Variants in VAT1L observed in about 807,000 individuals in gnomAD.
The protein encoded by VAT1L is vesicle amine transport 1 like.
VAT1L carries 34 observed loss-of-function variants against 44.1 expected under a neutral mutation model. That is an observed-to-expected ratio of 0.77 (90% CI 0.59 to 1.03). VAT1L has a LOEUF of 1.03. Among genes scored for constraint, VAT1L ranks in the 50% least tolerant of loss-of-function variants. The pLI, the probability that VAT1L is intolerant of heterozygous loss-of-function variation, is 0.00. For synonymous variants in VAT1L, 253 were observed against 202.2 expected (o/e 1.25, Z -2.13); for missense variants, 615 against 538.8 (o/e 1.14, Z -1.40).
chr16:77,910,500 G>A (rs905665664), intron 7 of VAT1L, among the ~76,000 whole-genome samples: 9 of 151,750 alleles, frequency 5.9e-5, no homozygotes, highest in African/African-American at 1.2e-4. Flanking sequence ...GTGAAACCCC[G>A]TCTCTACTAA....
At chr16:77,910,151 C>T (rs2017483300) in intron 7 of VAT1L, among the ~76,000 whole-genome samples, 1 of 152,312 alleles carries the variant, frequency 6.6e-6, no homozygotes, top group East Asian at 1.9e-4. Context: ...CTACTTGATT[C>T]CCTAAGACTC....
chr16:77,900,627 A>G (rs1360866031), intron 7 of VAT1L, among the ~76,000 whole-genome samples: 1 of 151,516 alleles, frequency 6.6e-6, no homozygotes, highest in African/African-American at 2.4e-5. Context: ...CCCGGGAGGC[A>G]GAGGTTGCAG....
At chr16:77,934,392 G>A (rs58877531) in intron 7 of VAT1L, among the ~76,000 whole-genome samples, 7,843 of 152,096 alleles carry the variant, frequency 0.052, 336 homozygotes, top group East Asian at 0.2. Context: ...TTACAGGTGT[G>A]ATTAAGTTAA....
At chr16:77,789,004 C>G (rs12444404) in intron 1 of VAT1L, 89 bp downstream of exon 1, 153,648 of 1,378,094 alleles carry the variant, frequency 0.11, 9,182 homozygotes, top group East Asian at 0.17. Flanking sequence ...GGATGCTGCC[C>G]GGGTAGAACC....
intron 1 of VAT1L, among the ~76,000 whole-genome samples, chr16:77,794,887 C>G (rs1199916821): frequency 6.6e-6 from 1 of 152,156 alleles, no homozygotes; most frequent in African/African-American, 2.4e-5. Flanking sequence ...TTTGCATTCT[C>G]TCATCAACTG....
intron 1 of VAT1L, among the ~76,000 whole-genome samples, chr16:77,815,557 C>G (rs78929490): frequency 0.023 from 3,500 of 152,280 alleles, 139 homozygotes; most frequent in African/African-American, 0.08. Flanking sequence ...GTCTTACTCA[C>G]CTTTATTCAG....
At chr16:77,951,456 G>T (rs1284805231) in intron 7 of VAT1L, among the ~76,000 whole-genome samples, 3 of 152,208 alleles carry the variant, frequency 2.0e-5, no homozygotes, top group Non-Finnish European at 2.9e-5. Context: ...TGAAGCAGGA[G>T]AATCGCTTGA....
intron 7 of VAT1L, among the ~76,000 whole-genome samples, chr16:77,948,681 G>C (rs759757248): frequency 1.3e-5 from 2 of 151,878 alleles, no homozygotes; most frequent in Non-Finnish European, 2.9e-5. Context: ...TATTTTTCTG[G>C]AGTATTTTAA....
chr16:77,816,294 G>C (rs2016353188), intron 1 of VAT1L, among the ~76,000 whole-genome samples: 1 of 152,022 alleles, frequency 6.6e-6, no homozygotes, highest in African/African-American at 2.4e-5. Flanking sequence ...ATATCTATTG[G>C]GGCATTCATT....
intron 7 of VAT1L, among the ~76,000 whole-genome samples, chr16:77,934,839 C>G (rs571799952): frequency 2.6e-4 from 40 of 152,232 alleles, no homozygotes; most frequent in African/African-American, 9.6e-4. Context: ...TGTGCCAGGT[C>G]TTATATCAGA....
intron 1 of VAT1L, among the ~76,000 whole-genome samples, chr16:77,806,303 G>A (rs1354729001): frequency 6.6e-6 from 1 of 152,026 alleles, no homozygotes; most frequent in African/African-American, 2.4e-5. Context: ...TCCGCCTCCC[G>A]GGTTGAAGCC....
At chr16:77,871,349 G>A (rs1304027764) in intron 4 of VAT1L, among the ~76,000 whole-genome samples, 1 of 152,108 alleles carries the variant, frequency 6.6e-6, no homozygotes, top group Admixed American at 6.5e-5. Flanking sequence ...AATGCCGAGA[G>A]AGAGGCATGG....
At chr16:77,901,232 C>G (rs571899814) in intron 7 of VAT1L, among the ~76,000 whole-genome samples, 16 of 137,276 alleles carry the variant, frequency 1.2e-4, no homozygotes, top group South Asian at 5.0e-4. Flanking sequence ...GGCGACATCT[C>G]AGCTCACTGC....
chr16:77,935,877 T>C (rs1244069119), intron 7 of VAT1L, among the ~76,000 whole-genome samples: 1 of 152,216 alleles, frequency 6.6e-6, no homozygotes, highest in Non-Finnish European at 1.5e-5. Context: ...TGCAGGGCTA[T>C]TGGGAATTCT....
At chr16:77,886,058 C>G (rs1276368527) in intron 7 of VAT1L, among the ~76,000 whole-genome samples, 2 of 152,176 alleles carry the variant, frequency 1.3e-5, no homozygotes, top group Non-Finnish European at 2.9e-5. Flanking sequence ...AAATAAACTG[C>G]AAGTCCACAT....
At chr16:77,800,491 A>G (rs1414308442) in intron 1 of VAT1L, 7 of 152,148 alleles carry the variant, frequency 4.6e-5, no homozygotes, top group Non-Finnish European at 8.8e-5. Flanking sequence ...AGGCACCCCA[A>G]ACTGCACCCT....
At chr16:77,831,496 C>G (rs1597056306) in intron 3 of VAT1L, among the ~76,000 whole-genome samples, 1 of 152,122 alleles carries the variant, frequency 6.6e-6, no homozygotes, top group African/African-American at 2.4e-5. Context: ...TGACATTTTA[C>G]CTTTCTGATA....
chr16:77,914,019 C>T (rs2017525619), intron 7 of VAT1L, among the ~76,000 whole-genome samples: 1 of 152,118 alleles, frequency 6.6e-6, no homozygotes, highest in Non-Finnish European at 1.5e-5. Context: ...TTTTGAAAAC[C>T]AAAGCCACTC....
At chr16:77,832,898 G>A (rs546046302) in intron 3 of VAT1L, among the ~76,000 whole-genome samples, 7 of 152,270 alleles carry the variant, frequency 4.6e-5, no homozygotes, top group Admixed American at 3.9e-4. Flanking sequence ...AGTGGCTGAA[G>A]GATTTGGACA....
Sources: gnomAD v4.1 joint callset for allele counts (sites outside exome capture counted in the v4.1 genomes callset) on GRCh38, gnomAD v4.1.1 for gene constraint, MANE v1.5 for transcripts, NCBI Gene and HGNC (gene_info 2026-07-23, HGNC 2026-07-21) for gene names.